The following AFF3 variants were observed in gnomAD, a reference collection of about 807,000 sequenced individuals.
AFF3 encodes the protein AF4/FMR2 family member 3.
Under a neutral mutation model 129.7 loss-of-function variants are expected in AFF3, and 32 were observed. That is an observed-to-expected ratio of 0.25 (90% confidence interval 0.19 to 0.33). The LOEUF (loss-of-function observed/expected upper bound fraction) is 0.33. Ranked by LOEUF, AFF3 falls within the 10% of genes least tolerant of loss-of-function variation. The pLI is 1.00. For missense variants in AFF3, 1,373 were observed against 1,592.0 expected, an observed-to-expected ratio of 0.86 and a Z score of 2.34; for synonymous variants, 644 against 635.4, an observed-to-expected ratio of 1.01 and a Z score of -0.20.
chr2:99,785,149 G>C (rs1426540760), intron 8 of AFF3, among the ~76,000 whole-genome samples: 1 of 152,182 alleles, frequency 6.6e-6, no homozygotes, highest in Non-Finnish European at 1.5e-5. Flanking sequence ...GTGAGTTCCA[G>C]TTACTGCAGG....
At chr2:99,992,700 C>T (rs975614599) in intron 7 of AFF3, among the ~76,000 whole-genome samples, 2 of 152,222 alleles carry the variant, frequency 1.3e-5, no homozygotes, top group African/African-American at 4.8e-5. Flanking sequence ...CCTATTAGAT[C>T]TTGGGCTCAG....
intron 4 of AFF3, among the ~76,000 whole-genome samples, chr2:100,068,358 A>C (rs1193366561): frequency 6.6e-6 from 1 of 152,202 alleles, no homozygotes; most frequent in Non-Finnish European, 1.5e-5. Flanking sequence ...CACTGGGAGA[A>C]ACAGCCATAG....
chr2:99,987,665 T>C (rs1679988167), intron 7 of AFF3, among the ~76,000 whole-genome samples: 3 of 152,204 alleles, frequency 2.0e-5, no homozygotes, highest in Admixed American at 2.0e-4. Flanking sequence ...AGATTCCCAT[T>C]CATTCTTACA....
intron 15 of AFF3, among the ~76,000 whole-genome samples, chr2:99,592,948 A>AC (rs1678861623): frequency 7.4e-6 from 1 of 135,444 alleles, no homozygotes; most frequent in Non-Finnish European, 1.6e-5. Context: ...CCCCCCAAAA[A>AC]AAGGGATAAT....
chr2:100,057,590 G>GT (rs1397182769), intron 4 of AFF3, among the ~76,000 whole-genome samples: 4 of 152,136 alleles, frequency 2.6e-5, no homozygotes, highest in African/African-American at 9.7e-5. Context: ...CAGCAACATG[G>GT]TATCTGTGAC....
intron 7 of AFF3, among the ~76,000 whole-genome samples, chr2:99,999,540 A>G (rs1681187496): frequency 6.6e-6 from 1 of 152,344 alleles, no homozygotes; most frequent in South Asian, 2.1e-4. Flanking sequence ...AGTGAAATTC[A>G]TCCACCTCTC....
At chr2:99,840,244 A>C (rs1576155394) in intron 7 of AFF3, among the ~76,000 whole-genome samples, 1 of 152,172 alleles carries the variant, frequency 6.6e-6, no homozygotes, top group East Asian at 1.9e-4. Flanking sequence ...ACCATTGCTA[A>C]ATTCAAGCCA....
At chr2:99,596,516 A>G (rs1355673598) in intron 14 of AFF3, among the ~76,000 whole-genome samples, 1 of 152,196 alleles carries the variant, frequency 6.6e-6, no homozygotes, top group Non-Finnish European at 1.5e-5. Context: ...CACAGTAAAC[A>G]GGAATGGATG....
chr2:99,911,643 G>C (rs1313298676), intron 7 of AFF3, among the ~76,000 whole-genome samples: 1 of 152,114 alleles, frequency 6.6e-6, no homozygotes, highest in Non-Finnish European at 1.5e-5. Context: ...ATGGTCCTTT[G>C]AAAAATTAAG....
intron 4 of AFF3, among the ~76,000 whole-genome samples, chr2:100,060,551 C>T (rs918679502): frequency 6.6e-6 from 1 of 151,922 alleles, no homozygotes; most frequent in Admixed American, 6.6e-5. Context: ...TATCAGCTCT[C>T]TGAGCTATTA....
At position 99,556,158 on chromosome 2, in the gene AFF3, T is replaced by C. The variant is rs535941786; in HGVS notation, c.3286-1426A>G. Among the ~76,000 whole-genome samples the C allele has an allele frequency of 3.3e-5, 5 of 152,250 alleles. No individual in the cohort carries two copies. The East Asian group carries it at 9.7e-4, about 29-fold the overall frequency. On this transcript the variant is annotated intron_variant, in intron 22 of 24. Coordinates refer to ENST00000672756, the MANE Select transcript of AFF3 (RefSeq NM_001386135.1). ...AAACAGTCCAGTAAAGGCTACTGAA[T>C]GGAGGAAGAAGGCAGTGACTCACGC...
intron 7 of AFF3, among the ~76,000 whole-genome samples, chr2:99,992,948 G>T (rs1277787212): frequency 6.6e-6 from 1 of 152,176 alleles, no homozygotes. Flanking sequence ...GAGAAAAAGT[G>T]GTTCCTGCTC....
At chr2:99,752,077 G>A (rs756582258) in intron 9 of AFF3, 144 bp downstream of exon 9, 16 of 664,208 alleles carry the variant, frequency 2.4e-5, no homozygotes, top group Middle Eastern at 4.1e-4. Context: ...ATAAGTATGC[G>A]CTTGCAAATT....
intron 7 of AFF3, among the ~76,000 whole-genome samples, chr2:99,994,616 C>T (rs528049008): frequency 2.3e-4 from 35 of 152,122 alleles, no homozygotes; most frequent in African/African-American, 7.0e-4. Flanking sequence ...ATAAGAGGAA[C>T]GGGCCTTGAA....
chr2:99,973,760 C>G (rs1678614879), intron 7 of AFF3, among the ~76,000 whole-genome samples: 1 of 151,706 alleles, frequency 6.6e-6, no homozygotes, highest in Non-Finnish European at 1.5e-5. Context: ...GTCTTCTAGG[C>G]ACATTTTGTC....
At chr2:100,074,035 C>T (rs1688400273) in intron 4 of AFF3, among the ~76,000 whole-genome samples, 1 of 152,260 alleles carries the variant, frequency 6.6e-6, no homozygotes, top group South Asian at 2.1e-4. Flanking sequence ...GAGTAGAAAA[C>T]TGCGAACGAC....
intron 4 of AFF3, among the ~76,000 whole-genome samples, chr2:100,046,332 C>A (rs1303554683): frequency 6.6e-6 from 1 of 152,188 alleles, no homozygotes; most frequent in East Asian, 1.9e-4. Flanking sequence ...GGATTCCAAC[C>A]TATAAGTCTG....
In AFF3 at chr2:99,554,522, G is replaced by A. The variant is rs1422322240; in HGVS notation, c.3348C>T (p.Thr1116=). The A allele has an allele frequency of 6.2e-7, 1 of 1,613,120 alleles. No individual in the cohort carries two copies. Among genetic ancestry groups the A allele is most frequent in the Non-Finnish European group, 8.5e-7 (1 of 1,179,744 alleles). The change falls in exon 24 of 25, where the codon ACC becomes ACT. Residue 1116 remains threonine, a synonymous_variant. Coordinates refer to ENST00000672756, the MANE Select transcript of AFF3 (RefSeq NM_001386135.1). The stretch of plus-strand genomic sequence containing the variant: ...AGGGGTTGGGAGACATGGGGGATGG[G>A]GTTCCAGTGCTCCTGGAAGGGGAGA... ...PWGASGKSTG[T]PSPMSPNPSP...
chr2:99,945,630 C>A (rs2106360375), intron 7 of AFF3, among the ~76,000 whole-genome samples: 2 of 152,294 alleles, frequency 1.3e-5, no homozygotes, highest in South Asian at 2.1e-4. Context: ...TCGGCCTCAC[C>A]CTCACTGGAG....
Sources: allele counts gnomAD v4.1 joint callset (sites outside exome capture counted in the v4.1 genomes callset), GRCh38; gene constraint gnomAD v4.1.1; transcripts MANE v1.5; gene names NCBI Gene and HGNC (gene_info 2026-07-23, HGNC 2026-07-21).